TIAM2: variants seen among roughly 807,000 people sequenced by gnomAD.
TIAM2 encodes TIAM Rac1 associated GEF 2.
In TIAM2, 80 loss-of-function variants were observed where a neutral mutation model predicts 152.9. The observed-to-expected ratio is 0.52, with a 90% CI of 0.44 to 0.63. The LOEUF is 0.63. TIAM2 is among the 30% of genes least tolerant of loss of function. The pLI is 0.00. For missense variants in TIAM2, 1,965 were observed against 2,120.1 expected (o/e 0.93, Z 1.44); for synonymous variants, 804 against 838.0 (o/e 0.96, Z 0.70).
chr6:155,073,231 CG>C (rs2114956680), intron 1 of TIAM2, among the ~76,000 whole-genome samples: 1 of 145,630 alleles, frequency 6.9e-6, no homozygotes, highest in African/African-American at 2.6e-5. Context: ...GGCACAATCT[CG>C]GCTCACTGCA....
intron 1 of TIAM2, among the ~76,000 whole-genome samples, chr6:155,051,516 T>C (rs1479029471): frequency 6.6e-6 from 1 of 152,144 alleles, no homozygotes; most frequent in East Asian, 1.9e-4. Flanking sequence ...TAATAATGAG[T>C]AGGCCAGGAC....
At position 155,249,977 on chromosome 6, in the gene TIAM2, A is replaced by G; in HGVS notation, c.3951+8A>G. On this transcript the variant is annotated splice_region_variant and intron_variant, in intron 21 of 26. Transcript: ENST00000682666. ...AGCGGAACAGAGAAGGAGGTCCGTG[A>G]GACATCTGCACCCTGGGAGCCTAGT... 4 of 1,607,090 alleles carry G rather than the reference A, an allele frequency of 2.5e-6. No homozygotes were observed. Among genetic ancestry groups the G allele is most frequent in the Non-Finnish European group, 3.4e-6 (4 of 1,175,286 alleles).
At chr6:155,045,840 C>CTTTTTTTTTTTTTTTTTT (rs11354850) in intron 1 of TIAM2, among the ~76,000 whole-genome samples, 87 of 60,466 alleles carry the variant, frequency 1.4e-3, no homozygotes, top group Middle Eastern at 0.023. Flanking sequence ...ATAGTGCCCT[C>CTTTTTTTTTTTTTTTTTT]TTTTTTTTTT....
Position 155,019,326 on chromosome 6 carries a change from T to A in TIAM2, c.-209+23834T>A, listed in dbSNP as rs146179246. ...TCCAGCCTGGGCCACAGAGCTAGAC[T>A]CCATCTAAAAAAAAGAAAAGAAAAA... On this transcript the variant is annotated intron_variant, in intron 1 of 26. Coordinates refer to ENST00000682666, the MANE Select transcript of TIAM2 (RefSeq NM_012454.4). Among the ~76,000 whole-genome samples the A allele has an allele frequency of 4.1e-3, 627 of 151,520 alleles. 5 individuals are homozygous for A. The highest frequency in any genetic ancestry group is 0.014 in the African/African-American group (592 of 41,274).
chr6:155,083,682 G>A (rs1047632131), intron 1 of TIAM2, among the ~76,000 whole-genome samples: 2 of 152,182 alleles, frequency 1.3e-5, no homozygotes, highest in Non-Finnish European at 2.9e-5. Context: ...AAGTCACTTT[G>A]CCTGGTGAGT....
Position 155,213,140 on chromosome 6 carries a change from T to C in TIAM2, c.3168+1833T>C, listed in dbSNP as rs1781762905. ...GCGAGCAAGGGGCGTGTTTTGGCCC[T>C]GTTTGTGTTGTAGCTCTTTCAGCCC... On this transcript the variant is annotated intron_variant, in intron 15 of 26. Transcript: ENST00000682666. The surrounding 1 kb of genome is among the most constrained non-coding windows in gnomAD (Gnocchi z 4.2). Among the ~76,000 whole-genome samples the C allele has an allele frequency of 6.6e-6, 1 of 152,170 alleles. No individual in the cohort carries two copies. Among genetic ancestry groups the C allele is most frequent in the Admixed American group, 6.5e-5 (1 of 15,278 alleles).
At chr6:155,195,617 A>C (rs901124987) in intron 14 of TIAM2, among the ~76,000 whole-genome samples, 3 of 151,224 alleles carry the variant, frequency 2.0e-5, no homozygotes, top group Non-Finnish European at 4.4e-5. Flanking sequence ...TTAATAAGTT[A>C]TATAATGTAT....
intron 1 of TIAM2, among the ~76,000 whole-genome samples, chr6:155,064,175 T>C (rs1777642500): frequency 6.6e-6 from 1 of 152,240 alleles, no homozygotes; most frequent in Non-Finnish European, 1.5e-5. Context: ...TGTAAATTCC[T>C]ACTTGGCTTC....
rs112298957 is a variant in TIAM2 at position 155,156,268 on chromosome 6, C to G, written c.2028+7934C>G. Among the ~76,000 whole-genome samples the G allele has an allele frequency of 4.0e-3, 610 of 152,206 alleles. 6 individuals are homozygous for G. Among genetic ancestry groups the G allele is most frequent in the African/African-American group, 0.014 (588 of 41,532 alleles). ...AGACAGGGGAAGTAGGACTGTCTGT[C>G]ACTCTCTCCTCCCGGTACCACTGCA... On this transcript the variant is annotated intron_variant, in intron 7 of 26. Coordinates refer to ENST00000682666, the MANE Select transcript of TIAM2 (RefSeq NM_012454.4). The surrounding 1 kb of genome is among the most constrained non-coding windows in gnomAD (Gnocchi z 4.4).
intron 24 of TIAM2, 167 bp downstream of exon 24, chr6:155,253,220 G>C: frequency 1.8e-6 from 1 of 552,666 alleles, no homozygotes; most frequent in Non-Finnish European, 3.2e-6. Flanking sequence ...CAGACTTCTG[G>C]GAGAAACTAA....
chr6:155,116,793 G>A (rs1248936779), intron 2 of TIAM2, among the ~76,000 whole-genome samples: 1 of 152,108 alleles, frequency 6.6e-6, no homozygotes, highest in Non-Finnish European at 1.5e-5. Flanking sequence ...TTTGTGGAGT[G>A]GCTCAAGCTC....
chr6:155,155,408 C>G (rs893704190), intron 7 of TIAM2, among the ~76,000 whole-genome samples: 1 of 152,102 alleles, frequency 6.6e-6, no homozygotes, highest in Non-Finnish European at 1.5e-5. Context: ...TCAACTGATC[C>G]GCCTGCCTCA....
chr6:155,248,286 T>C, intron 20 of TIAM2, 107 bp downstream of exon 20: 1 of 1,303,406 alleles, frequency 7.7e-7, no homozygotes, highest in East Asian at 2.5e-5. Flanking sequence ...TAGTGGCACG[T>C]CCTAAGTCAC....
intron 14 of TIAM2, among the ~76,000 whole-genome samples, chr6:155,201,247 A>G (rs1781466202): frequency 6.6e-6 from 1 of 152,206 alleles, no homozygotes; most frequent in African/African-American, 2.4e-5. Flanking sequence ...TTTTTTCCGT[A>G]GAAACTTTCT....
At chr6:155,144,576 G>A (rs377161155) in intron 5 of TIAM2, 30 bp from the exon 6 acceptor site, 25 of 1,486,958 alleles carry the variant, frequency 1.7e-5, no homozygotes, top group Middle Eastern at 2.0e-4. Context: ...AGGTCTGACC[G>A]GGATGTTATT....
chr6:155,029,700 T>C (rs1583159857), intron 1 of TIAM2, among the ~76,000 whole-genome samples: 1 of 140,346 alleles, frequency 7.1e-6, no homozygotes, highest in African/African-American at 2.6e-5. Flanking sequence ...TATATAGAGA[T>C]ATATAACTAT....
At chr6:155,248,256 C>G in intron 20 of TIAM2, 77 bp downstream of exon 20, 1 of 1,485,218 alleles carries the variant, frequency 6.7e-7, no homozygotes, top group Non-Finnish European at 9.0e-7. Flanking sequence ...CTGGGCCTGA[C>G]AGCTCACCTC....
intron 2 of TIAM2, among the ~76,000 whole-genome samples, chr6:155,113,272 G>A (rs1778903828): frequency 6.6e-6 from 1 of 151,970 alleles, no homozygotes; most frequent in African/African-American, 2.4e-5. Flanking sequence ...AATACACTTG[G>A]TGTCTCCTCC....
At chr6:155,004,200 C>T (rs553179441) in intron 1 of TIAM2, among the ~76,000 whole-genome samples, 1 of 152,104 alleles carries the variant, frequency 6.6e-6, no homozygotes, top group African/African-American at 2.4e-5. Context: ...CTGCACCAGT[C>T]CTGCTGTAGG....
Sources: allele counts gnomAD v4.1 joint callset (sites outside exome capture counted in the v4.1 genomes callset), GRCh38; gene constraint gnomAD v4.1.1; non-coding constraint Gnocchi (gnomAD v3.1); transcripts MANE v1.5; gene names NCBI Gene and HGNC (gene_info 2026-07-23, HGNC 2026-07-21).